MIDN: variants seen among roughly 807,000 people sequenced by gnomAD.
MIDN encodes the protein midnolin.
MIDN carries 26 observed loss-of-function variants against 46.1 expected under a neutral mutation model. That is an observed-to-expected ratio of 0.56 (90% CI 0.41 to 0.78). The LOEUF (loss-of-function observed/expected upper bound fraction) is 0.78. MIDN is among the 30% of genes least tolerant of loss of function. The pLI is 0.00. For missense variants in MIDN, 850 were observed against 771.8 expected (o/e 1.10, Z -1.20); for synonymous variants, 432 against 343.3 (o/e 1.26, Z -2.86).
intron 8 of MIDN, 131 bp from the exon 9 acceptor site, chr19:1,256,864 C>T (rs964542255): frequency 7.3e-7 from 1 of 1,369,122 alleles, no homozygotes; most frequent in Non-Finnish European, 9.9e-7. Flanking sequence ...TTGACTGTTT[C>T]CTTTGCTGAC....
intron 1 of MIDN, among the ~76,000 whole-genome samples, 164 bp from the exon 2 acceptor site, chr19:1,249,726 G>T (rs2081099335): frequency 1.3e-5 from 2 of 149,662 alleles, no homozygotes; most frequent in South Asian, 4.1e-4. Context: ...CGGTGCCGCG[G>T]CGGCTCTCAT....
At position 1,248,645 on chromosome 19, in the gene MIDN, G is replaced by C. The variant is rs980730923; in HGVS notation, c.-423G>C. 1.3e-5 allele frequency: 2 copies of C among 152,494 alleles called. No individual in the cohort carries two copies. Among genetic ancestry groups the C allele is most frequent in the Admixed American group, 6.5e-5 (1 of 15,290 alleles). The allele number at this position is 152,494 out of a possible 1,614,324, so 9.4% of individuals were successfully genotyped here. A position where few individuals can be genotyped will look rare whatever the true frequency, so the allele number is the denominator to read the frequency against. On this transcript the variant is annotated 5_prime_UTR_variant, in exon 1 of 9. Coordinates refer to ENST00000682408, the MANE Select transcript of MIDN (RefSeq NM_001388306.1). ...AGGTACTCGCAGCACTTGGAGCGCA[G>C]AACCGGCCGCGCCCGGTGAGTGTGG... is the stretch of plus-strand genomic sequence containing the variant.
At chr19:1,251,514 C>A (rs746012542) in intron 2 of MIDN, 48 bp from the exon 3 acceptor site, 3 of 1,568,810 alleles carry the variant, frequency 1.9e-6, no homozygotes, top group East Asian at 4.5e-5. Flanking sequence ...GCTTCCGCGT[C>A]CCTGTGTCGT....
chr19:1,254,426 C>T lies in MIDN; in HGVS notation c.773C>T (p.Pro258Leu), dbSNP rs1161164175. Residue 258 changes from proline to leucine, a missense_variant, in exon 6 of 9, where the codon CCC becomes CTC. Coordinates refer to ENST00000682408, the MANE Select transcript of MIDN (RefSeq NM_001388306.1). ...AGCCCGTCCCCTGCATCTCCCTCGC[C>T]CATCACAGCCGGCTCCTTCCGGTCC... The part of the protein sequence containing the change: ...PTSPSPASPS[P>L]ITAGSFRSHA... The T allele has an allele frequency of 6.4e-7, 1 of 1,566,656 alleles. No individual in the cohort carries two copies. The highest frequency in any genetic ancestry group is 1.2e-5 in the South Asian group (1 of 86,364).
At position 1,256,991 on chromosome 19, in the gene MIDN, G is replaced by A; in HGVS notation, c.1259-4G>A. ...GGAGTCACAGGCCACTACCTCCTTT[G>A]CAGGGGACCGGCTTCGGCAGACAGA... On this transcript the variant is annotated splice_region_variant and splice_polypyrimidine_tract_variant and intron_variant, in intron 8 of 8. Transcript: ENST00000682408. 1 of 1,607,954 alleles carries A rather than the reference G, an allele frequency of 6.2e-7. No individual in the cohort carries two copies. Among genetic ancestry groups the A allele is most frequent in the African/African-American group, 1.3e-5 (1 of 75,034 alleles).
intron 8 of MIDN, among the ~76,000 whole-genome samples, 165 bp downstream of exon 8, chr19:1,255,859 T>A (rs1020034585): frequency 6.6e-6 from 1 of 152,218 alleles, no homozygotes; most frequent in African/African-American, 2.4e-5. Context: ...GAAGGCAGCA[T>A]GTGTGTCAGG....
intron 2 of MIDN, 127 bp downstream of exon 2, chr19:1,250,656 C>G (rs1015146193): frequency 6.6e-6 from 2 of 305,172 alleles, no homozygotes; most frequent in African/African-American, 4.6e-5. Flanking sequence ...CGCGCGCTCT[C>G]GGGCGCCCTC....
intron 4 of MIDN, 42 bp from the exon 5 acceptor site, chr19:1,253,911 AG>A (rs2081164592): frequency 1.5e-6 from 2 of 1,359,584 alleles, no homozygotes; most frequent in Middle Eastern, 2.7e-4. Context: ...CTAGTTGGCC[AG>A]GGAGGGGCAG....
rs2081231294 is a variant in MIDN at position 1,258,678 on chromosome 19, A to G, written c.*1406A>G. On this transcript the variant is annotated 3_prime_UTR_variant, in exon 9 of 9. Transcript: ENST00000682408. The stretch of plus-strand genomic sequence containing the variant: ...TTGAAAGTTAATGGTTTCAGATGTG[A>G]ACATCACGTGTTATAACTGTAGCGC... 1 of 150,618 alleles carries G rather than the reference A, an allele frequency of 6.6e-6. No individual in the cohort carries two copies. 9.3% of individuals were successfully genotyped at this position (150,618 alleles called of 1,614,324 possible). A position where few individuals can be genotyped will look rare whatever the true frequency, so the allele number is the denominator to read the frequency against.
chr19:1,250,815 G>C (rs1027644191), intron 2 of MIDN, among the ~76,000 whole-genome samples: 1 of 151,878 alleles, frequency 6.6e-6, no homozygotes, highest in Admixed American at 6.6e-5. Context: ...CTGCGGGTGT[G>C]GGGGCCGCCA....
chr19:1,252,300 G>A (rs1184133187), intron 4 of MIDN, among the ~76,000 whole-genome samples: 1 of 152,168 alleles, frequency 6.6e-6, no homozygotes, highest in Non-Finnish European at 1.5e-5. Context: ...TTCTGCTGAG[G>A]GCTGGGGGTG....
chr19:1,254,111 T>C (rs1397121644), intron 5 of MIDN, 29 bp downstream of exon 5: 8 of 1,547,614 alleles, frequency 5.2e-6, no homozygotes, highest in East Asian at 2.4e-5. Flanking sequence ...TGGGCCGGGC[T>C]GGGCTGGGGG....
In MIDN at chr19:1,250,440, G is replaced by T. The variant is rs1388250217; in HGVS notation, c.144G>T (p.Pro48=). ...GCACCCGCTACGACCTGGCCGTGCC[G>T]CCCGACGAGACGGTGGAGGGGCTGC... ...TTGTRYDLAV[P]PDETVEGLRK... The change falls in exon 2 of 9, where the codon CCG becomes CCT. Residue 48 remains proline, a synonymous_variant. Transcript: ENST00000682408. The T allele has an allele frequency of 7.2e-7, 1 of 1,384,134 alleles. No individual in the cohort carries two copies. Among genetic ancestry groups the T allele is most frequent in the South Asian group, 1.5e-5 (1 of 67,112 alleles). The allele number at this position is 1,384,134 out of a possible 1,614,324, so 85.7% of individuals were successfully genotyped here.
chr19:1,256,131 C>T (rs955338345), intron 8 of MIDN, among the ~76,000 whole-genome samples: 2 of 152,256 alleles, frequency 1.3e-5, no homozygotes, highest in African/African-American at 4.8e-5. Flanking sequence ...CAGAAGATGG[C>T]TACTGTACTG....
chr19:1,257,169 G>T lies in MIDN; in HGVS notation c.1433G>T (p.Gly478Val), dbSNP rs890720169. 6 of 1,611,648 alleles carry T rather than the reference G, an allele frequency of 3.7e-6. No individual in the cohort carries two copies. Among genetic ancestry groups the T allele is most frequent in the Non-Finnish European group, 5.1e-6 (6 of 1,179,242 alleles). The change falls in exon 9 of 9, where the codon GGC becomes GTC. Residue 478 changes from glycine (G) to valine (V), a missense_variant. By Grantham distance (109) the Gly-to-Val change is moderately radical. Coordinates refer to ENST00000682408, the MANE Select transcript of MIDN (RefSeq NM_001388306.1). ...AGCGACAGCAGTAGCAGCGGGGGCG[G>T]CGGCAGCCCCAGCGAGGCCTCCGGC... Reference protein sequence around the residue: ...GRSDSSSSGGGGSPSEASGLG... With the variant: ...GRSDSSSSGGVGSPSEASGLG...
rs2081111412 is a variant in MIDN, at chr19:1,250,476, G to A, written c.180G>A (p.Leu60=). 1 of 1,376,384 alleles carries A rather than the reference G, an allele frequency of 7.3e-7. No individual in the cohort carries two copies. The highest frequency in any genetic ancestry group is 2.2e-5 in the Admixed American group (1 of 45,866). The allele number at this position is 1,376,384 out of a possible 1,614,324, so 85.3% of individuals were successfully genotyped here. The part of the protein sequence containing the change: ...DETVEGLRKR[L]SQRLKVPKER... The stretch of plus-strand genomic sequence containing the variant: ...CGGTGGAGGGGCTGCGCAAGCGGTT[G>A]TCCCAGCGCCTCAAAGTGCCCAAGG... The change falls in exon 2 of 9, where the codon TTG becomes TTA. Residue 60 remains leucine, a synonymous_variant. Transcript: ENST00000682408.
chr19:1,250,922 C>G (rs558557750), intron 2 of MIDN, among the ~76,000 whole-genome samples: 151 of 152,010 alleles, frequency 9.9e-4, no homozygotes, highest in African/African-American at 2.7e-3. Context: ...TCTCTCCCCC[C>G]CTTTGTTCTC....
intron 2 of MIDN, 38 bp downstream of exon 2, chr19:1,250,567 G>C: frequency 9.2e-7 from 1 of 1,087,908 alleles, no homozygotes; most frequent in Non-Finnish European, 1.1e-6. Flanking sequence ...GCCCCCTCGG[G>C]CCCCGGCCCC....
chr19:1,258,535 T>TA lies in MIDN; in HGVS notation c.*1265dup, dbSNP rs2081229517. Reference sequence around the variant, plus strand: ...CCACTCACTTTTTATTTTTTAATGATAATGGAGATGTCTGGACCCTTCCTC... The same window carrying TA: ...CCACTCACTTTTTATTTTTTAATGATAAATGGAGATGTCTGGACCCTTCCTC... On this transcript the variant is annotated 3_prime_UTR_variant, in exon 9 of 9. Coordinates refer to ENST00000682408, the MANE Select transcript of MIDN (RefSeq NM_001388306.1). 1.3e-5 allele frequency: 2 copies of TA among 152,386 alleles called. No individual in the cohort carries two copies. The highest frequency in any genetic ancestry group is 6.5e-5 in the Admixed American group (1 of 15,276). The allele number at this position is 152,386 out of a possible 1,614,324, so 9.4% of individuals were successfully genotyped here.
Sources: allele counts gnomAD v4.1 joint callset (sites outside exome capture counted in the v4.1 genomes callset), GRCh38; gene constraint gnomAD v4.1.1; transcripts MANE v1.5; gene names NCBI Gene and HGNC (gene_info 2026-07-23, HGNC 2026-07-21).